The following HAO1 variants were observed in gnomAD, a reference collection of about 807,000 sequenced individuals.
The protein encoded by HAO1 is 2-Hydroxyacid oxidase 1.
A neutral mutation model predicts 39.7 loss-of-function variants in HAO1; 34 were observed. That is an observed-to-expected ratio of 0.86 (90% confidence interval 0.65 to 1.14). The LOEUF is 1.14. Among genes scored for constraint, HAO1 ranks in the 50% most tolerant of loss-of-function variants. The pLI, the probability that HAO1 is intolerant of heterozygous loss-of-function variation, is 0.00. For synonymous variants in HAO1, 172 were observed against 173.2 expected (o/e 0.99, Z 0.05); for missense variants, 479 against 464.5 (o/e 1.03, Z -0.29).
At chr20:7,885,398 C>T (rs755685249) in intron 7 of HAO1, 123 bp downstream of exon 7, 7 of 678,444 alleles carry the variant, frequency 1.0e-5, no homozygotes, top group East Asian at 5.3e-5. Flanking sequence ...ATGGAGTCAA[C>T]GTCAAATTTA....
intron 7 of HAO1, 159 bp downstream of exon 7, chr20:7,885,362 A>T: frequency 1.6e-6 from 1 of 625,014 alleles, no homozygotes. Flanking sequence ...GAGACTGCAC[A>T]TGCAGAGTTC....
intron 3 of HAO1, 133 bp downstream of exon 3, chr20:7,914,031 T>C: frequency 2.2e-6 from 2 of 917,842 alleles, no homozygotes; most frequent in Non-Finnish European, 1.6e-6. Flanking sequence ...AAAAGTGATG[T>C]CTACAAAAGG....
intron 5 of HAO1, among the ~76,000 whole-genome samples, chr20:7,891,585 C>T (rs1319865970): frequency 6.6e-6 from 1 of 152,116 alleles, no homozygotes; most frequent in Non-Finnish European, 1.5e-5. Context: ...ATTGCATTTG[C>T]TTTTGGATTC....
At chr20:7,908,789 T>C (rs1015005308) in intron 3 of HAO1, among the ~76,000 whole-genome samples, 5 of 152,300 alleles carry the variant, frequency 3.3e-5, no homozygotes, top group Admixed American at 1.3e-4. Flanking sequence ...CCACTTAGGA[T>C]TGTACATTAT....
At chr20:7,906,543 A>G (rs1401157809) in intron 3 of HAO1, among the ~76,000 whole-genome samples, 1 of 152,134 alleles carries the variant, frequency 6.6e-6, no homozygotes, top group East Asian at 1.9e-4. Flanking sequence ...CCTAAATTTT[A>G]TTTTACATCT....
At chr20:7,937,037 T>C (rs754678126) in intron 1 of HAO1, among the ~76,000 whole-genome samples, 2 of 152,076 alleles carry the variant, frequency 1.3e-5, no homozygotes, top group African/African-American at 4.8e-5. Context: ...GTTGAACCAA[T>C]TGAATAATAA....
chr20:7,911,303 G>C (rs1443071757), intron 3 of HAO1, among the ~76,000 whole-genome samples: 2 of 152,182 alleles, frequency 1.3e-5, no homozygotes, highest in Non-Finnish European at 2.9e-5. Flanking sequence ...CTGGGCTTAA[G>C]AAAACATGTC....
rs569413733 is a variant in HAO1, at chr20:7,912,448, A to G, written c.545+1716T>C. On this transcript the variant is annotated intron_variant, in intron 3 of 7. Transcript: ENST00000378789. The stretch of plus-strand genomic sequence containing the variant: ...TACTGTACTTACTATTGTTGTTACT[A>G]TTGTTAGTAGTAGTAGTGTTAAGAG... Among the ~76,000 whole-genome samples the G allele has an allele frequency of 3.9e-5, 6 of 152,268 alleles. No individual in the cohort carries two copies. The East Asian group carries it at 5.8e-4, about 15-fold the overall frequency.
rs8119175 is a variant in HAO1 at position 7,934,398 on chromosome 20, G to A, written c.289+86C>T. On this transcript the variant is annotated intron_variant, in intron 2 of 7. Coordinates refer to ENST00000378789, the MANE Select transcript of HAO1 (RefSeq NM_017545.3). ...ATGTTTCTGAGTGTAAAAACATCAA[G>A]GAACATATTTGCTTGGTGCATTCAG... The A allele has an allele frequency of 4.3e-3, 4,165 of 972,868 alleles. 79 individuals carry two copies. In the African/African-American group the frequency reaches 0.043, roughly 10 times the overall value. The allele number at this position is 972,868 out of a possible 1,614,324, so 60.3% of individuals were successfully genotyped here. A position where few individuals can be genotyped will look rare whatever the true frequency, so the allele number is the denominator to read the frequency against.
At chr20:7,884,484 A>G (rs1251084143) in intron 7 of HAO1, among the ~76,000 whole-genome samples, 2 of 152,214 alleles carry the variant, frequency 1.3e-5, no homozygotes, top group Non-Finnish European at 2.9e-5. Context: ...GCTATTTTAA[A>G]CACAGTAATC....
intron 3 of HAO1, among the ~76,000 whole-genome samples, chr20:7,910,430 G>A (rs775768683): frequency 1.3e-5 from 2 of 152,156 alleles, no homozygotes; most frequent in Non-Finnish European, 2.9e-5. Flanking sequence ...CCAAATGTCA[G>A]AAGTCTAAAA....
At chr20:7,925,991 T>C (rs1358669443) in intron 2 of HAO1, among the ~76,000 whole-genome samples, 1 of 152,164 alleles carries the variant, frequency 6.6e-6, no homozygotes, top group East Asian at 1.9e-4. Context: ...TTTTAGTATA[T>C]GTATATATAT....
intron 4 of HAO1, among the ~76,000 whole-genome samples, chr20:7,896,977 TTC>T (rs888156156): frequency 4.5e-4 from 69 of 152,294 alleles, no homozygotes; most frequent in African/African-American, 1.7e-3. Flanking sequence ...TTGGTTTATA[TTC>T]TCATTTGTTT....
intron 5 of HAO1, among the ~76,000 whole-genome samples, chr20:7,888,608 C>T (rs1276887759): frequency 6.6e-6 from 1 of 152,190 alleles, no homozygotes; most frequent in Non-Finnish European, 1.5e-5. Flanking sequence ...CACCACGCAG[C>T]CCTAAGGGGC....
intron 1 of HAO1, among the ~76,000 whole-genome samples, chr20:7,937,025 C>T (rs918094492): frequency 1.3e-5 from 2 of 152,006 alleles, no homozygotes; most frequent in African/African-American, 4.8e-5. Flanking sequence ...AACTGGCAAA[C>T]AGTTGAACCA....
intron 1 of HAO1, among the ~76,000 whole-genome samples, chr20:7,935,919 A>G (rs1289496610): frequency 2.0e-5 from 3 of 152,184 alleles, no homozygotes; most frequent in African/African-American, 7.2e-5. Context: ...TTCACCTAGT[A>G]TTTCCTAGAT....
Position 7,914,246 on chromosome 20 carries a change from T to C in HAO1, c.463A>G (p.Ile155Val), listed in dbSNP as rs761131458. Reference protein sequence around the residue: ...RQAEKMGYKAIFVTVDTPYLG... With the variant: ...RQAEKMGYKAVFVTVDTPYLG... The stretch of plus-strand genomic sequence containing the variant: ...TAAGGTGTGTCCACTGTCACAAATA[T>C]GGCCTTGTAGCCCATCTTCTCTGCC... Residue 155 changes from isoleucine (I) to valine (V), a missense_variant, in exon 3 of 8, where the codon ATA becomes GTA. Coordinates refer to ENST00000378789, the MANE Select transcript of HAO1 (RefSeq NM_017545.3). 4 of 1,614,110 alleles carry C rather than the reference T, an allele frequency of 2.5e-6. No homozygotes were observed. The highest frequency in any genetic ancestry group is 4.5e-5 in the East Asian group (2 of 44,860).
intron 2 of HAO1, among the ~76,000 whole-genome samples, chr20:7,926,036 A>G (rs1195059028): frequency 6.6e-6 from 1 of 152,154 alleles, no homozygotes; most frequent in African/African-American, 2.4e-5. Context: ...ATATATAAGC[A>G]TATGTAATAC....
intron 3 of HAO1, among the ~76,000 whole-genome samples, chr20:7,908,252 C>T (rs1233718547): frequency 6.6e-6 from 1 of 151,954 alleles, no homozygotes; most frequent in African/African-American, 2.4e-5. Context: ...ATTAGCCGGA[C>T]ATAGTGGTGG....
Sources: gnomAD v4.1 joint callset for allele counts (sites outside exome capture counted in the v4.1 genomes callset) on GRCh38, gnomAD v4.1.1 for gene constraint, MANE v1.5 for transcripts, NCBI Gene and HGNC (gene_info 2026-07-23, HGNC 2026-07-21) for gene names.